PDGFC: variants seen among roughly 807,000 people sequenced by gnomAD.
PDGFC encodes platelet derived growth factor C.
In PDGFC, 12 loss-of-function variants were observed where a neutral mutation model predicts 35.5. The observed-to-expected ratio is 0.34, with a 90% CI of 0.22 to 0.55. The LOEUF (loss-of-function observed/expected upper bound fraction) is 0.55, where lower values mean the gene tolerates loss of function less well. PDGFC is among the 20% of genes least tolerant of loss of function. PDGFC has a pLI of 0.91. For synonymous variants in PDGFC, 159 were observed against 148.8 expected, an observed-to-expected ratio of 1.07 and a Z score of -0.50; for missense variants, 322 against 412.4, an observed-to-expected ratio of 0.78 and a Z score of 1.90.
rs148029021 is a variant in PDGFC at position 156,915,013 on chromosome 4, G to A, written c.118+55773C>T. 2.6e-5 allele frequency among the ~76,000 whole-genome samples: 4 copies of A among 152,108 alleles called. No individual in the cohort carries two copies. The East Asian group carries it at 7.7e-4, about 29-fold the overall frequency. ...CAAGCAATTAAATTGGGTGACTATG[G>A]AAACCTCCAACCTACTGAATATGGT... On this transcript the variant is annotated intron_variant, in intron 1 of 5. Transcript: ENST00000502773.
Position 156,970,830 on chromosome 4 carries a change from T to A in PDGFC, c.74A>T (p.Asn25Ile), listed in dbSNP as rs1182260986. ...GQRQGTQAES[N>I]LSSKFQFSSN... ...GGAAAACTGGAATTTACTACTCAGG[T>A]TGGATTCCGCCTGAGTCCCCTGTCT... The change falls in exon 1 of 6, where the codon AAC (asparagine) becomes ATC (isoleucine). Residue 25 changes from asparagine to isoleucine, a missense_variant. By Grantham distance (149) the Asn-to-Ile change is moderately radical. Transcript: ENST00000502773. The A allele has an allele frequency of 6.2e-7, 1 of 1,613,396 alleles. No individual in the cohort carries two copies. The highest frequency in any genetic ancestry group is 1.3e-5 in the African/African-American group (1 of 74,896).
At chr4:156,794,858 A>T (rs1444176593) in intron 3 of PDGFC, among the ~76,000 whole-genome samples, 2 of 152,336 alleles carry the variant, frequency 1.3e-5, no homozygotes, top group East Asian at 1.9e-4. Context: ...AAGACACGTT[A>T]CCAATCACCT....
At chr4:156,807,045 G>A (rs1192111146) in intron 3 of PDGFC, among the ~76,000 whole-genome samples, 2 of 151,098 alleles carry the variant, frequency 1.3e-5, no homozygotes, top group African/African-American at 4.8e-5. Flanking sequence ...TAGCAGAAAG[G>A]GAAAAAAATC....
At chr4:156,822,201 T>C (rs1160083840) in intron 2 of PDGFC, among the ~76,000 whole-genome samples, 1 of 151,518 alleles carries the variant, frequency 6.6e-6, no homozygotes, top group Non-Finnish European at 1.5e-5. Flanking sequence ...CTACTAAAAT[T>C]ACAAAAAATT....
intron 1 of PDGFC, among the ~76,000 whole-genome samples, chr4:156,924,205 C>T (rs1440566863): frequency 2.6e-5 from 4 of 152,292 alleles, no homozygotes; most frequent in African/African-American, 7.2e-5. Context: ...CAATAGCACA[C>T]AGTCAAGTGT....
In PDGFC at chr4:156,937,864, GA is replaced by G. The variant is rs1164171240; in HGVS notation, c.118+32921del. Among the ~76,000 whole-genome samples, 7 of 150,616 alleles carry G rather than the reference GA, an allele frequency of 4.6e-5. No homozygotes were observed. In the East Asian group the frequency reaches 7.8e-4, roughly 17 times the overall value. The stretch of plus-strand genomic sequence containing the variant: ...TTCAGTAGCAACTTGATTCATGGTG[GA>G]AAAAAAAATTACCTTAAGATAAAGT... On this transcript the variant is annotated intron_variant, in intron 1 of 5. Transcript: ENST00000502773.
chr4:156,932,909 G>T (rs990010319), intron 1 of PDGFC, among the ~76,000 whole-genome samples: 1 of 151,098 alleles, frequency 6.6e-6, no homozygotes, highest in Admixed American at 6.6e-5. Flanking sequence ...AAAAAAAAAA[G>T]AAGTTTCTAA....
chr4:156,902,322 GT>G (rs1730808594), intron 1 of PDGFC, among the ~76,000 whole-genome samples: 1 of 152,072 alleles, frequency 6.6e-6, no homozygotes, highest in Admixed American at 6.5e-5. Context: ...TTAATATTCT[GT>G]CAAATTTGCT....
At chr4:156,821,165 TTGTA>T (rs1449007462) in intron 2 of PDGFC, among the ~76,000 whole-genome samples, 1 of 118,092 alleles carries the variant, frequency 8.5e-6, no homozygotes, top group African/African-American at 5.2e-5. Flanking sequence ...ATGTTGCCTG[TTGTA>T]TGTGTGTGTG....
At chr4:156,887,170 ACAT>A (rs1449160031) in intron 1 of PDGFC, among the ~76,000 whole-genome samples, 2 of 152,204 alleles carry the variant, frequency 1.3e-5, no homozygotes, top group Non-Finnish European at 2.9e-5. Flanking sequence ...AAATGAATCA[ACAT>A]CATTCAGGAT....
intron 2 of PDGFC, among the ~76,000 whole-genome samples, chr4:156,813,354 C>T (rs1025157199): frequency 2.6e-5 from 4 of 152,026 alleles, no homozygotes; most frequent in African/African-American, 7.2e-5. Context: ...AAACACATAA[C>T]TAAAGCTTTT....
chr4:156,768,022 A>T, intron 4 of PDGFC, 32 bp from the exon 5 acceptor site: 1 of 1,272,362 alleles, frequency 7.9e-7, no homozygotes, highest in Non-Finnish European at 1.1e-6. Flanking sequence ...AAAGAAAAAT[A>T]GATGTTGATG....
At chr4:156,778,470 A>C (rs1303536738) in intron 3 of PDGFC, among the ~76,000 whole-genome samples, 3 of 152,178 alleles carry the variant, frequency 2.0e-5, no homozygotes, top group Admixed American at 6.5e-5. Context: ...TTGGCTGCAA[A>C]AGTTAAGTTT....
At chr4:156,934,733 T>C (rs985577511) in intron 1 of PDGFC, among the ~76,000 whole-genome samples, 7 of 152,172 alleles carry the variant, frequency 4.6e-5, no homozygotes, top group African/African-American at 1.7e-4. Flanking sequence ...TTGTTTCTAA[T>C]TTTAAATTTT....
intron 2 of PDGFC, among the ~76,000 whole-genome samples, chr4:156,825,050 A>G (rs1732403332): frequency 6.6e-6 from 1 of 152,222 alleles, no homozygotes. Context: ...TAAATTTAAG[A>G]AATAAAATTA....
intron 2 of PDGFC, among the ~76,000 whole-genome samples, chr4:156,830,084 C>T (rs578043725): frequency 6.6e-6 from 1 of 151,910 alleles, no homozygotes; most frequent in South Asian, 2.1e-4. Flanking sequence ...CAACAATTGG[C>T]CATTTGTAGC....
At chr4:156,783,533 C>G (rs1178703630) in intron 3 of PDGFC, among the ~76,000 whole-genome samples, 1 of 151,976 alleles carries the variant, frequency 6.6e-6, no homozygotes, top group Non-Finnish European at 1.5e-5. Context: ...TAATCACTAC[C>G]CACTAATAAA....
At chr4:156,782,861 AT>A (rs1560809367) in intron 3 of PDGFC, among the ~76,000 whole-genome samples, 2 of 152,182 alleles carry the variant, frequency 1.3e-5, no homozygotes, top group Admixed American at 6.5e-5. Flanking sequence ...AGTAGACTAT[AT>A]TATACTCCTG....
intron 2 of PDGFC, among the ~76,000 whole-genome samples, chr4:156,838,959 C>A (rs1344886847): frequency 6.6e-6 from 1 of 152,196 alleles, no homozygotes; most frequent in Non-Finnish European, 1.5e-5. Flanking sequence ...AGTATGGAAG[C>A]TGCGAAGGCC....
Sources: allele counts gnomAD v4.1 joint callset (sites outside exome capture counted in the v4.1 genomes callset), GRCh38; gene constraint gnomAD v4.1.1; transcripts MANE v1.5; gene names NCBI Gene and HGNC (gene_info 2026-07-23, HGNC 2026-07-21).